SLC35F4: variants seen among roughly 807,000 people sequenced by gnomAD.
SLC35F4 encodes solute carrier family 35 member F4.
SLC35F4 carries 24 observed loss-of-function variants against 44.2 expected under a neutral mutation model. The ratio of observed to expected loss-of-function variants is 0.54; its 90% confidence interval spans 0.39 to 0.76. SLC35F4 has a LOEUF of 0.76. Ranked by LOEUF, SLC35F4 falls within the 30% of genes least tolerant of loss-of-function variation. The pLI is 0.00. For missense variants in SLC35F4, 562 were observed against 586.1 expected (o/e 0.96, Z 0.42); for synonymous variants, 238 against 223.6 (o/e 1.06, Z -0.57).
intron 1 of SLC35F4, among the ~76,000 whole-genome samples, chr14:57,757,755 A>G (rs1267445679): frequency 2.0e-5 from 3 of 152,124 alleles, no homozygotes; most frequent in African/African-American, 7.2e-5. Flanking sequence ...TTTTGCTGTT[A>G]ACAATTATCT....
chr14:57,828,267 T>A (rs764481988), intron 1 of SLC35F4, among the ~76,000 whole-genome samples: 2 of 152,320 alleles, frequency 1.3e-5, no homozygotes, highest in South Asian at 2.1e-4. Context: ...GGGAAAGCGA[T>A]GAGGATCTTT....
chr14:57,847,975 T>C (rs752804974), intron 1 of SLC35F4, among the ~76,000 whole-genome samples: 7 of 152,346 alleles, frequency 4.6e-5, no homozygotes, highest in South Asian at 2.1e-4. Flanking sequence ...GATGAATGTA[T>C]TTTAAAGGCA....
At chr14:57,714,341 A>G (rs1363766485) in intron 1 of SLC35F4, among the ~76,000 whole-genome samples, 3 of 152,180 alleles carry the variant, frequency 2.0e-5, no homozygotes, top group African/African-American at 7.2e-5. Flanking sequence ...GCAACATTTT[A>G]TTATTCACTC....
At chr14:57,746,757 A>T (rs1005821928) in intron 1 of SLC35F4, among the ~76,000 whole-genome samples, 5 of 152,192 alleles carry the variant, frequency 3.3e-5, no homozygotes, top group African/African-American at 1.2e-4. Context: ...AGCTTTGTAC[A>T]CTTTCAAAAT....
intron 1 of SLC35F4, among the ~76,000 whole-genome samples, chr14:57,710,583 G>A (rs1167280240): frequency 6.6e-6 from 1 of 152,158 alleles, no homozygotes; most frequent in Non-Finnish European, 1.5e-5. Context: ...GTCTATAAAA[G>A]CAACCAGGAT....
chr14:57,968,204 G>A (rs1486259765), intron 1 of SLC35F4, among the ~76,000 whole-genome samples: 2 of 152,116 alleles, frequency 1.3e-5, no homozygotes, highest in African/African-American at 4.8e-5. Flanking sequence ...TAGGAGCATA[G>A]CTAAAGGCAC....
At chr14:57,611,593 A>AAC (rs892110274) in intron 1 of SLC35F4, among the ~76,000 whole-genome samples, 7 of 139,320 alleles carry the variant, frequency 5.0e-5, no homozygotes, top group Non-Finnish European at 1.1e-4. Context: ...GTTAAAAAAA[A>AAC]AAAAACAAAA....
At chr14:57,657,831 T>C (rs1322933941) in intron 1 of SLC35F4, among the ~76,000 whole-genome samples, 5 of 152,192 alleles carry the variant, frequency 3.3e-5, no homozygotes, top group Non-Finnish European at 7.3e-5. Context: ...ATTGGGAAGG[T>C]GCCTAAAGAG....
At chr14:57,975,854 G>A (rs900211017), downstream of SLC35F4, among the ~76,000 whole-genome samples, 4 of 152,176 alleles carry the variant, frequency 2.6e-5, no homozygotes, top group Non-Finnish European at 4.4e-5. Context: ...ATGGCAAATG[G>A]TAGTGCATAA....
At chr14:57,784,074 G>C (rs2077696593) in intron 1 of SLC35F4, among the ~76,000 whole-genome samples, 1 of 152,144 alleles carries the variant, frequency 6.6e-6, no homozygotes, top group Admixed American at 6.5e-5. Flanking sequence ...TAATGAAAAA[G>C]ATATGGAAAT....
At chr14:57,594,571 A>G (rs192832287) in intron 1 of SLC35F4, among the ~76,000 whole-genome samples, 21 of 152,354 alleles carry the variant, frequency 1.4e-4, no homozygotes, top group African/African-American at 3.8e-4. Flanking sequence ...TTCACTAGAA[A>G]TGAACACTAG....
chr14:57,701,785 A>G (rs1219135408), intron 1 of SLC35F4, among the ~76,000 whole-genome samples: 2 of 152,224 alleles, frequency 1.3e-5, no homozygotes, highest in Non-Finnish European at 1.5e-5. Flanking sequence ...TCGAACAATT[A>G]TAACAACCTA....
At chr14:57,875,605 T>C (rs1305157205) in intron 1 of SLC35F4, among the ~76,000 whole-genome samples, 1 of 152,198 alleles carries the variant, frequency 6.6e-6, no homozygotes, top group Non-Finnish European at 1.5e-5. Flanking sequence ...TTGGGATAAC[T>C]GGGCCACATA....
chr14:57,583,089 T>A (rs1316722532), intron 3 of SLC35F4, among the ~76,000 whole-genome samples: 1 of 152,340 alleles, frequency 6.6e-6, no homozygotes, highest in African/African-American at 2.4e-5. Flanking sequence ...GAAAGTAAGA[T>A]TTCCCAAAGA....
rs529962580 is a variant in SLC35F4 at position 57,584,675 on chromosome 14, T to C, written c.588-3242A>G. Reference sequence around the variant, plus strand: ...AGTGCTAAATCAGATTTTACTAAGTTCAGAGTTAGTCTGACATGAGAGATG... The same window carrying C: ...AGTGCTAAATCAGATTTTACTAAGTCCAGAGTTAGTCTGACATGAGAGATG... On this transcript the variant is annotated intron_variant, in intron 3 of 7. Coordinates refer to ENST00000556826, the MANE Select transcript of SLC35F4 (RefSeq NM_001306087.2). 8.5e-5 allele frequency among the ~76,000 whole-genome samples: 13 copies of C among 152,270 alleles called. No homozygotes were observed. In the East Asian group the frequency reaches 2.5e-3, roughly 29 times the overall value.
intron 1 of SLC35F4, among the ~76,000 whole-genome samples, chr14:57,833,270 C>T (rs747103552): frequency 7.2e-5 from 11 of 152,226 alleles, no homozygotes; most frequent in Non-Finnish European, 1.2e-4. Context: ...ATCCCTAGCT[C>T]TGCACATCCT....
At chr14:57,714,277 G>C (rs2075882545) in intron 1 of SLC35F4, among the ~76,000 whole-genome samples, 1 of 152,108 alleles carries the variant, frequency 6.6e-6, no homozygotes. Flanking sequence ...CTTTAAGCCA[G>C]AAAATAGGAG....
intron 1 of SLC35F4, among the ~76,000 whole-genome samples, chr14:57,895,608 C>G (rs1009100008): frequency 6.7e-5 from 10 of 150,254 alleles, no homozygotes; most frequent in Admixed American, 2.0e-4. Context: ...CTCTCTGTCT[C>G]TCTCTGTCTG....
chr14:57,572,669 C>A (rs1002656889), intron 4 of SLC35F4, among the ~76,000 whole-genome samples: 12 of 152,204 alleles, frequency 7.9e-5, no homozygotes, highest in African/African-American at 2.7e-4. Context: ...TTCAGAAAAA[C>A]CACTGAAAGA....
Sources: gnomAD v4.1 joint callset for allele counts (sites outside exome capture counted in the v4.1 genomes callset) on GRCh38, gnomAD v4.1.1 for gene constraint, MANE v1.5 for transcripts, NCBI Gene and HGNC (gene_info 2026-07-23, HGNC 2026-07-21) for gene names.